RORA: variants seen among roughly 807,000 people sequenced by gnomAD.
RORA encodes the protein RAR related orphan receptor A.
In RORA, 7 loss-of-function variants were observed where a neutral mutation model predicts 69.5. The ratio of observed to expected loss-of-function variants is 0.10; its 90% confidence interval spans 0.06 to 0.19. RORA has a LOEUF of 0.19. Among genes scored for constraint, RORA ranks in the 10% least tolerant of loss-of-function variants. The pLI is 1.00. For missense variants in RORA, 457 were observed against 663.0 expected, an observed-to-expected ratio of 0.69 and a Z score of 3.41; for synonymous variants, 261 against 240.8, an observed-to-expected ratio of 1.08 and a Z score of -0.78.
chr15:61,003,224 A>G (rs1894802398), intron 1 of RORA, among the ~76,000 whole-genome samples: 2 of 152,186 alleles, frequency 1.3e-5, no homozygotes. Flanking sequence ...TATAGGCTAT[A>G]TAGTATGCAG....
intron 2 of RORA, chr15:60,614,870 A>G (rs200512527): frequency 2.5e-6 from 4 of 1,598,856 alleles, no homozygotes; most frequent in Non-Finnish European, 3.4e-6. Context: ...TGCCTGGAGC[A>G]TAGTAAGCTC....
chr15:61,157,410 A>G (rs1447637670), intron 1 of RORA, among the ~76,000 whole-genome samples: 1 of 152,212 alleles, frequency 6.6e-6, no homozygotes, highest in East Asian at 1.9e-4. Context: ...TACCTTTTAA[A>G]GTTAATGGGT....
chr15:60,862,488 G>A (rs2073443698), intron 1 of RORA, among the ~76,000 whole-genome samples: 1 of 152,178 alleles, frequency 6.6e-6, no homozygotes. Context: ...TTAGTCTTGT[G>A]GATCAAGGCA....
At chr15:60,641,155 T>A (rs1032810131) in intron 2 of RORA, among the ~76,000 whole-genome samples, 1 of 152,158 alleles carries the variant, frequency 6.6e-6, no homozygotes, top group Admixed American at 6.5e-5. Context: ...TCTCGCCACA[T>A]TGCCCAGGAT....
At chr15:60,577,327 T>C (rs992165364) in intron 2 of RORA, among the ~76,000 whole-genome samples, 5 of 152,210 alleles carry the variant, frequency 3.3e-5, no homozygotes, top group African/African-American at 1.2e-4. Flanking sequence ...CTTTTTGGTC[T>C]CTGTATACTT....
chr15:60,629,952 C>T (rs2069696639), intron 2 of RORA, among the ~76,000 whole-genome samples: 1 of 152,210 alleles, frequency 6.6e-6, no homozygotes, highest in African/African-American at 2.4e-5. Flanking sequence ...GCCTAACTTC[C>T]ATGGTGTTGT....
chr15:60,686,308 C>T (rs1290909413), intron 1 of RORA, among the ~76,000 whole-genome samples: 1 of 152,170 alleles, frequency 6.6e-6, no homozygotes, highest in Non-Finnish European at 1.5e-5. Context: ...GGGAAACATC[C>T]CTCTTCTCAG....
intron 1 of RORA, among the ~76,000 whole-genome samples, chr15:60,746,444 GC>G (rs2071649872): frequency 6.6e-6 from 1 of 152,006 alleles, no homozygotes; most frequent in African/African-American, 2.4e-5. Flanking sequence ...TGGTTTATGA[GC>G]CCTGAGATTC....
chr15:60,948,413 A>C, intron 1 of RORA, among the ~76,000 whole-genome samples: 1 of 152,212 alleles, frequency 6.6e-6, no homozygotes, highest in Non-Finnish European at 1.5e-5. Context: ...TATAGAAGTC[A>C]CTTCTGGAAG....
intron 1 of RORA, among the ~76,000 whole-genome samples, chr15:60,834,138 T>G (rs58721593): frequency 0.015 from 2,225 of 152,254 alleles, 68 homozygotes; most frequent in African/African-American, 0.051. Flanking sequence ...TCCTCAAATA[T>G]TATAAAACTG....
In RORA at chr15:60,815,982, A is replaced by C. The variant is rs951690453; in HGVS notation, c.167-137296T>G. Reference sequence around the variant, plus strand: ...ATAGTATATGTATTTATTTACTATAAATAGTATATATATACTATAAACAGT... The same window carrying C: ...ATAGTATATGTATTTATTTACTATACATAGTATATATATACTATAAACAGT... On this transcript the variant is annotated intron_variant, in intron 1 of 10. Transcript: ENST00000335670. Among the ~76,000 whole-genome samples, 3 of 143,694 alleles carry C rather than the reference A, an allele frequency of 2.1e-5. No homozygotes were observed. In the East Asian group the frequency reaches 6.0e-4, roughly 29 times the overall value. The allele number at this position is 143,694 out of a possible 152,430, so 94.3% of individuals were successfully genotyped here.
At chr15:61,154,770 A>T (rs1480177361) in intron 1 of RORA, among the ~76,000 whole-genome samples, 1 of 152,092 alleles carries the variant, frequency 6.6e-6, no homozygotes, top group Non-Finnish European at 1.5e-5. Context: ...CCTCAGTGTG[A>T]GTGTGTGTTC....
chr15:60,889,653 T>C (rs2073792919), intron 1 of RORA, among the ~76,000 whole-genome samples: 1 of 152,336 alleles, frequency 6.6e-6, no homozygotes, highest in Non-Finnish European at 1.5e-5. Context: ...CCAACGCCCC[T>C]GGAACTTAGA....
At chr15:60,597,541 AC>A in intron 2 of RORA, among the ~76,000 whole-genome samples, 1 of 61,268 alleles carries the variant, frequency 1.6e-5, no homozygotes, top group Middle Eastern at 7.0e-3. Context: ...ACACACACAC[AC>A]ACACACAACA....
chr15:60,577,006 T>C (rs1001405780), intron 2 of RORA, among the ~76,000 whole-genome samples: 15 of 152,200 alleles, frequency 9.9e-5, no homozygotes, highest in African/African-American at 3.6e-4. Context: ...AAAGCCTCTG[T>C]AAACCACAAA....
At chr15:60,992,662 A>G (rs931635125) in intron 1 of RORA, among the ~76,000 whole-genome samples, 72 of 147,052 alleles carry the variant, frequency 4.9e-4, no homozygotes, top group African/African-American at 1.8e-3. Flanking sequence ...CTTGTCCCAC[A>G]GTCAGAGCCT....
Position 60,678,663 on chromosome 15 carries a change from G to T in RORA, c.190C>A (p.His64Asn). 1 of 1,611,778 alleles carries T rather than the reference G, an allele frequency of 6.2e-7. No homozygotes were observed. The highest frequency in any genetic ancestry group is 1.1e-5 in the South Asian group (1 of 91,018). Residue 64 changes from histidine (H) to asparagine (N), a missense_variant, in exon 2 of 11, where the codon CAT becomes AAT. This residue lies in a region of RORA where 119 missense variants were observed against 92.4 expected (regional missense o/e 1.29). Transcript: ENST00000335670. ...AAAAAAATGCATTACTTACATGTAT[G>T]TGTCTTCTTCGTTACTGAGATACCT... Reference protein sequence around the residue: ...SRGISVTKKTHTSQIEIIPCK... With the variant: ...SRGISVTKKTNTSQIEIIPCK...
intron 1 of RORA, among the ~76,000 whole-genome samples, chr15:60,701,691 T>A (rs1229665199): frequency 6.6e-6 from 1 of 152,198 alleles, no homozygotes; most frequent in African/African-American, 2.4e-5. Context: ...GCTGTGATTT[T>A]TCCTGCCCTT....
At chr15:61,190,229 A>G (rs1292734290) in intron 1 of RORA, among the ~76,000 whole-genome samples, 1 of 152,170 alleles carries the variant, frequency 6.6e-6, no homozygotes, top group African/African-American at 2.4e-5. Context: ...GTGTGCTCAG[A>G]GCTAAAATTA....
Sources: allele counts gnomAD v4.1 joint callset (sites outside exome capture counted in the v4.1 genomes callset), GRCh38; gene constraint gnomAD v4.1.1; regional missense constraint gnomAD v4.1.1; transcripts MANE v1.5; gene names NCBI Gene and HGNC (gene_info 2026-07-23, HGNC 2026-07-21).